Variants in APTX observed in about 807,000 individuals in gnomAD.
APTX encodes aprataxin.
Under a neutral mutation model 42.3 loss-of-function variants are expected in APTX, and 33 were observed. That is an observed-to-expected ratio of 0.78 (90% confidence interval 0.59 to 1.04). The LOEUF is 1.04. APTX is among the 50% of genes least tolerant of loss of function. The pLI is 0.00. For missense variants in APTX, 421 were observed against 415.1 expected (o/e 1.01, Z -0.12); for synonymous variants, 130 against 146.7 (o/e 0.89, Z 0.82).
intron 1 of APTX, 174 bp downstream of exon 1, chr9:33,001,393 C>A: frequency 1.3e-6 from 2 of 1,533,248 alleles, no homozygotes; most frequent in South Asian, 2.4e-5. Flanking sequence ...CGAGCGCCCG[C>A]TGAAACAGCC....
chr9:32,972,878 T>G lies in APTX; in HGVS notation c.*620A>C. The stretch of plus-strand genomic sequence containing the variant: ...GGAACCCTCGGTATTAGAAGAAAAC[T>G]CCAACCCCCCACACCATCATCTAGC... On this transcript the variant is annotated 3_prime_UTR_variant, in exon 8 of 8. Coordinates refer to ENST00000379817, the MANE Select transcript of APTX (RefSeq NM_001195248.2). The G allele has an allele frequency of 2.2e-6, 1 of 454,052 alleles. No individual in the cohort carries two copies. Among genetic ancestry groups the G allele is most frequent in the Non-Finnish European group, 4.4e-6 (1 of 226,774 alleles). 28.1% of individuals were successfully genotyped at this position (454,052 alleles called of 1,614,324 possible). A position where few individuals can be genotyped will look rare whatever the true frequency, so the allele number is the denominator to read the frequency against.
intron 6 of APTX, among the ~76,000 whole-genome samples, chr9:32,984,110 C>T (rs1181767571): frequency 6.6e-6 from 1 of 152,178 alleles, no homozygotes; most frequent in African/African-American, 2.4e-5. Context: ...ATCCACCTTG[C>T]TTGTATTCTT....
At chr9:33,018,179 C>T (rs1315075109) in intron 1 of APTX, among the ~76,000 whole-genome samples, 2 of 150,824 alleles carry the variant, frequency 1.3e-5, no homozygotes, top group Non-Finnish European at 3.0e-5. Context: ...GGCACGATCT[C>T]AGCTTACTGC....
At chr9:33,003,973 G>A (rs1398612887), upstream of APTX, among the ~76,000 whole-genome samples, 2 of 152,112 alleles carry the variant, frequency 1.3e-5, no homozygotes, top group East Asian at 3.8e-4. Flanking sequence ...ATATCTCTTT[G>A]AGATCCTGTT....
intron 6 of APTX, 49 bp from the exon 7 acceptor site, chr9:32,974,610 G>T: frequency 9.7e-7 from 1 of 1,029,314 alleles, no homozygotes; most frequent in Non-Finnish European, 1.5e-6. Context: ...AACAACTATG[G>T]CTTAATCAAA....
chr9:32,984,491 C>T, intron 6 of APTX, 140 bp downstream of exon 6: 3 of 808,988 alleles, frequency 3.7e-6, no homozygotes, highest in East Asian at 2.6e-5. Flanking sequence ...GAGGTGGAAG[C>T]TTCAGCCCAC....
At position 32,986,041 on chromosome 9, in the gene APTX, AAC is replaced by A. The variant is rs753586093; in HGVS notation, c.484-13_484-12del. ...GTGGCCCAGGGATTCCTAAAAAAAA[AAC>A]AAAAAAAAAAACAAAAAAAAAAAAA... is the stretch of plus-strand genomic sequence containing the variant. On this transcript the variant is annotated splice_polypyrimidine_tract_variant and intron_variant, in intron 4 of 7. Coordinates refer to ENST00000379817, the MANE Select transcript of APTX (RefSeq NM_001195248.2). 26 of 634,888 alleles carry A rather than the reference AAC, an allele frequency of 4.1e-5. 1 individual carries two copies. The highest frequency in any genetic ancestry group is 3.7e-4 in the African/African-American group (14 of 37,464). 39.3% of individuals were successfully genotyped at this position (634,888 alleles called of 1,614,324 possible).
chr9:32,975,232 C>CA (rs1829098970), intron 6 of APTX, among the ~76,000 whole-genome samples: 1 of 152,120 alleles, frequency 6.6e-6, no homozygotes, highest in Non-Finnish European at 1.5e-5. Flanking sequence ...TTAAAGGTGA[C>CA]AAAGGGTTTG....
At chr9:32,985,326 G>GTTTTTTTTTTTTTT in intron 5 of APTX, among the ~76,000 whole-genome samples, 1 of 103,078 alleles carries the variant, frequency 9.7e-6, no homozygotes, top group Non-Finnish European at 1.9e-5. Context: ...GATGATGCCT[G>GTTTTTTTTTTTTTT]TTTTTTTTTT....
chr9:32,998,909 G>C (rs1252329940), intron 1 of APTX, among the ~76,000 whole-genome samples: 1 of 148,990 alleles, frequency 6.7e-6, no homozygotes, highest in Admixed American at 6.7e-5. Flanking sequence ...AAAAAGAACA[G>C]TTTTTCATTG....
rs369381250 is a variant in APTX at position 32,996,349 on chromosome 9, A to G, written c.-5+5218T>C. Among the ~76,000 whole-genome samples, 26 of 149,334 alleles carry G rather than the reference A, an allele frequency of 1.7e-4. No individual in the cohort carries two copies. The East Asian group carries it at 3.4e-3, about 19-fold the overall frequency. ...TGGGTGCAGGGCGTCATCACAGCTC[A>G]CTGCAGCCTCAACTTCCTTGGGCTA... is the stretch of plus-strand genomic sequence containing the variant. On this transcript the variant is annotated intron_variant, in intron 1 of 7. Coordinates refer to ENST00000379817, the MANE Select transcript of APTX (RefSeq NM_001195248.2).
chr9:32,995,683 C>T (rs1023662099), intron 1 of APTX, among the ~76,000 whole-genome samples: 4 of 151,988 alleles, frequency 2.6e-5, no homozygotes, highest in African/African-American at 4.8e-5. Context: ...GTCAGGAGAT[C>T]GAGACCATCC....
intron 6 of APTX, among the ~76,000 whole-genome samples, chr9:32,974,797 T>C (rs1308319333): frequency 3.3e-5 from 5 of 152,184 alleles, no homozygotes; most frequent in East Asian, 3.8e-4. Context: ...ACTGAGACTT[T>C]AGCAAGAAAC....
chr9:33,020,346 T>C lies in APTX; in HGVS notation c.-5+4677A>G, dbSNP rs551170557. Among the ~76,000 whole-genome samples the C allele has an allele frequency of 2.0e-4, 30 of 152,322 alleles. 1 individual carries two copies. The highest frequency in any genetic ancestry group is 7.0e-4 in the African/African-American group (29 of 41,576). On this transcript the variant is annotated intron_variant, in intron 1 of 6. Transcript: ENST00000436040. ...CTGGAAGTCATTCCTCCTCCCTACC[T>C]CTGCATCAAGTCATCATGACTCTAC...
intron 1 of APTX, among the ~76,000 whole-genome samples, chr9:32,995,169 TATTA>T (rs760487723): frequency 2.6e-5 from 4 of 152,212 alleles, no homozygotes; most frequent in Non-Finnish European, 4.4e-5. Flanking sequence ...TTTCAAGTGT[TATTA>T]ATTAAGAAAT....
intron 2 of APTX, among the ~76,000 whole-genome samples, chr9:32,988,821 C>T (rs1227568748): frequency 6.6e-6 from 1 of 151,126 alleles, no homozygotes; most frequent in Non-Finnish European, 1.5e-5. Context: ...CAGTAAAAGA[C>T]ACATTCCTGG....
intron 1 of APTX, among the ~76,000 whole-genome samples, chr9:32,995,584 C>T (rs1834645874): frequency 1.3e-5 from 2 of 152,116 alleles, no homozygotes; most frequent in African/African-American, 4.8e-5. Context: ...ATGTAATGAA[C>T]ATTACCAAAA....
At chr9:32,993,939 G>A (rs1038889178) in intron 1 of APTX, among the ~76,000 whole-genome samples, 18 of 151,712 alleles carry the variant, frequency 1.2e-4, no homozygotes, top group Admixed American at 4.0e-4. Context: ...GGCTGGTCTC[G>A]AACTCCTGAT....
rs529988272 is a variant in APTX, at chr9:33,014,327, A to G, written c.-5+10696T>C. 7.9e-5 allele frequency among the ~76,000 whole-genome samples: 12 copies of G among 151,158 alleles called. No homozygotes were observed. The East Asian group carries it at 1.3e-3, about 17-fold the overall frequency. ...AACAAACACCCCTGGCCTCACTCCC[A>G]TATTTGGAGATGTGGGAAATTTAAC... is the stretch of plus-strand genomic sequence containing the variant. On this transcript the variant is annotated intron_variant, in intron 1 of 6. Transcript: ENST00000436040.
Sources: gnomAD v4.1 joint callset for allele counts (sites outside exome capture counted in the v4.1 genomes callset) on GRCh38, gnomAD v4.1.1 for gene constraint, MANE v1.5 for transcripts, NCBI Gene and HGNC (gene_info 2026-07-23, HGNC 2026-07-21) for gene names.